ASIC2: variants seen among roughly 807,000 people sequenced by gnomAD.
ASIC2 encodes acid sensing ion channel subunit 2, also known as acid-sensing ion channel 2.
ASIC2 carries 25 observed loss-of-function variants against 57.3 expected under a neutral mutation model. The observed-to-expected ratio is 0.44, with a 90% CI of 0.32 to 0.61. The LOEUF is 0.61. Ranked by LOEUF, ASIC2 falls within the 20% of genes least tolerant of loss-of-function variation. The pLI, the probability that ASIC2 is intolerant of heterozygous loss-of-function variation, is 0.06. For synonymous variants in ASIC2, 319 were observed against 307.5 expected, an observed-to-expected ratio of 1.04 and a Z score of -0.39; for missense variants, 641 against 738.1, an observed-to-expected ratio of 0.87 and a Z score of 1.52.
intron 1 of ASIC2, among the ~76,000 whole-genome samples, chr17:33,897,431 T>C (rs1490045612): frequency 1.3e-5 from 2 of 152,226 alleles, no homozygotes; most frequent in Non-Finnish European, 2.9e-5. Flanking sequence ...TTAATCATCT[T>C]TGTGCACCCA....
chr17:33,748,561 T>C (rs986450335), intron 1 of ASIC2, among the ~76,000 whole-genome samples: 1 of 152,130 alleles, frequency 6.6e-6, no homozygotes, highest in Non-Finnish European at 1.5e-5. Flanking sequence ...CACTAACTCA[T>C]CATGGGTAGG....
intron 1 of ASIC2, among the ~76,000 whole-genome samples, chr17:33,338,913 C>T (rs1907626808): frequency 6.6e-6 from 1 of 151,958 alleles, no homozygotes. Flanking sequence ...TTGCCAGGGG[C>T]TGGAGGGATG....
intron 1 of ASIC2, among the ~76,000 whole-genome samples, chr17:33,403,682 T>C (rs2141960207): frequency 6.6e-6 from 1 of 152,342 alleles, no homozygotes; most frequent in South Asian, 2.1e-4. Context: ...TCCTTCATCA[T>C]CAGGGAAGAA....
At position 33,548,771 on chromosome 17, in the gene ASIC2, C is replaced by T. The variant is rs139434788; in HGVS notation, c.556-436704G>A. ...TCTAGCCATGCTGACCTTGCTGTAC[C>T]TTAAGCAAGTCAAGGTCATTACCAC... On this transcript the variant is annotated intron_variant, in intron 1 of 9. Transcript: ENST00000359872. Among the ~76,000 whole-genome samples, 606 of 152,266 alleles carry T rather than the reference C, an allele frequency of 4.0e-3. 6 individuals carry two copies. The highest frequency in any genetic ancestry group is 0.014 in the African/African-American group (565 of 41,570).
intron 1 of ASIC2, among the ~76,000 whole-genome samples, chr17:33,488,712 G>A (rs866368048): frequency 1.3e-5 from 2 of 151,870 alleles, no homozygotes; most frequent in African/African-American, 2.4e-5. Context: ...TAAAACTCAC[G>A]CCCTACCTCA....
intron 2 of ASIC2, among the ~76,000 whole-genome samples, chr17:33,109,945 G>A (rs770978961): frequency 2.8e-4 from 43 of 152,172 alleles, no homozygotes; most frequent in African/African-American, 9.2e-4. Flanking sequence ...GGGTAGCCTT[G>A]TAGACTGCAG....
chr17:33,341,629 A>G (rs1293290177), intron 1 of ASIC2, among the ~76,000 whole-genome samples: 2 of 152,198 alleles, frequency 1.3e-5, no homozygotes, highest in Non-Finnish European at 2.9e-5. Context: ...TTCAGTAAAT[A>G]TTTACCCCCA....
chr17:34,002,063 T>A (rs950501584), intron 1 of ASIC2: 6 of 152,276 alleles, frequency 3.9e-5, no homozygotes, highest in African/African-American at 1.4e-4. Flanking sequence ...CCTCTGAAAG[T>A]GATGCCATGC....
intron 1 of ASIC2, among the ~76,000 whole-genome samples, chr17:33,584,329 G>A (rs1375709663): frequency 6.6e-6 from 1 of 152,180 alleles, no homozygotes; most frequent in Non-Finnish European, 1.5e-5. Flanking sequence ...CTGGTTCTTA[G>A]AGTCTGAGTC....
chr17:33,339,902 C>G (rs1445207400), intron 1 of ASIC2, among the ~76,000 whole-genome samples: 1 of 152,058 alleles, frequency 6.6e-6, no homozygotes, highest in Non-Finnish European at 1.5e-5. Context: ...AATCCATCAC[C>G]CGACCCCAAC....
intron 1 of ASIC2, among the ~76,000 whole-genome samples, chr17:34,050,781 G>A (rs1908527677): frequency 6.6e-6 from 1 of 152,140 alleles, no homozygotes; most frequent in African/African-American, 2.4e-5. Context: ...GATGATAAAT[G>A]AGAAATTCAA....
intron 1 of ASIC2, among the ~76,000 whole-genome samples, chr17:33,222,515 A>G (rs987147356): frequency 6.6e-6 from 1 of 152,222 alleles, no homozygotes; most frequent in African/African-American, 2.4e-5. Flanking sequence ...TGTGTATGTT[A>G]CTACAAAACA....
At chr17:33,070,097 C>T (rs1468362204) in intron 3 of ASIC2, among the ~76,000 whole-genome samples, 4 of 152,130 alleles carry the variant, frequency 2.6e-5, no homozygotes, top group Non-Finnish European at 5.9e-5. Flanking sequence ...TCATAGTCTA[C>T]CTTCAAGTAT....
chr17:34,035,881 C>A (rs1907855794), intron 1 of ASIC2, among the ~76,000 whole-genome samples: 1 of 151,862 alleles, frequency 6.6e-6, no homozygotes, highest in Non-Finnish European at 1.5e-5. Flanking sequence ...AGTCAGGAAA[C>A]AACAGGTGCT....
chr17:33,822,074 C>G (rs576771842), intron 1 of ASIC2, among the ~76,000 whole-genome samples: 37 of 152,308 alleles, frequency 2.4e-4, no homozygotes, highest in Non-Finnish European at 2.9e-5. Context: ...ACTCTCTAAA[C>G]GTCAGCTTCA....
At chr17:33,029,712 G>C (rs1254202753) in intron 3 of ASIC2, among the ~76,000 whole-genome samples, 1 of 152,232 alleles carries the variant, frequency 6.6e-6, no homozygotes, top group African/African-American at 2.4e-5. Flanking sequence ...CTGCCCAACT[G>C]TTATCCAAAG....
rs56689100 is a variant in ASIC2 at position 33,516,407 on chromosome 17, A to AGTGTGTGAGTGT, written c.556-404341_556-404340insACACTCACACAC. Among the ~76,000 whole-genome samples, 1,237 of 148,302 alleles carry AGTGTGTGAGTGT rather than the reference A, an allele frequency of 8.3e-3. 13 individuals carry two copies. The highest frequency in any genetic ancestry group is 9.9e-3 in the Non-Finnish European group (659 of 66,860). The stretch of plus-strand genomic sequence containing the variant: ...GTTTGTAAGTGTGTTTGTGAGTGTG[A>AGTGTGTGAGTGT]GTGTGTGTGTGTGTGTGTGTGTATG... On this transcript the variant is annotated intron_variant, in intron 1 of 9. Transcript: ENST00000359872.
At chr17:33,863,739 A>AGAAATTCTCAAAG (rs1212904846) in intron 1 of ASIC2, among the ~76,000 whole-genome samples, 2 of 152,198 alleles carry the variant, frequency 1.3e-5, no homozygotes, top group East Asian at 3.8e-4. Flanking sequence ...AAGTGGTATT[A>AGAAATTCTCAAAG]ATATGCTTCC....
intron 1 of ASIC2, among the ~76,000 whole-genome samples, chr17:33,737,618 T>C (rs551565061): frequency 1.3e-5 from 2 of 152,372 alleles, no homozygotes; most frequent in African/African-American, 2.4e-5. Context: ...GCTGCACTTA[T>C]TGGGTTGTGA....
Sources: allele counts gnomAD v4.1 joint callset (sites outside exome capture counted in the v4.1 genomes callset), GRCh38; gene constraint gnomAD v4.1.1; transcripts MANE v1.5; gene names NCBI Gene and HGNC (gene_info 2026-07-23, HGNC 2026-07-21).